The following TESK2 variants were observed in gnomAD, a reference collection of about 807,000 sequenced individuals.
TESK2 encodes testis associated actin remodelling kinase 2.
In TESK2, 39 loss-of-function variants were observed where a neutral mutation model predicts 57.1. The observed-to-expected ratio is 0.68, with a 90% confidence interval of 0.53 to 0.89. TESK2 has a LOEUF of 0.89. TESK2 is among the 40% of genes least tolerant of loss of function. The pLI is 0.00. For synonymous variants in TESK2, 249 were observed against 267.9 expected (o/e 0.93, Z 0.69); for missense variants, 646 against 732.1 (o/e 0.88, Z 1.36).
intron 2 of TESK2, among the ~76,000 whole-genome samples, chr1:45,442,039 T>G (rs1395120573): frequency 6.6e-6 from 1 of 152,128 alleles, no homozygotes; most frequent in Non-Finnish European, 1.5e-5. Flanking sequence ...CAGGTTCAAA[T>G]GATTCTCCTG....
chr1:45,369,653 G>A (rs189715097), intron 4 of TESK2, among the ~76,000 whole-genome samples: 1 of 152,204 alleles, frequency 6.6e-6, no homozygotes, highest in East Asian at 1.9e-4. Flanking sequence ...AAAAGAATCA[G>A]GAAAGGTTTT....
intron 1 of TESK2, among the ~76,000 whole-genome samples, chr1:45,482,874 G>C (rs1653287511): frequency 6.6e-6 from 1 of 151,710 alleles, no homozygotes; most frequent in Non-Finnish European, 1.5e-5. Flanking sequence ...CAGCTACTCG[G>C]GAGGCTGAGG....
At chr1:45,475,209 C>CTTTTTTTTTTTTTTTTTTTT (rs375872140) in intron 1 of TESK2, among the ~76,000 whole-genome samples, 3 of 113,162 alleles carry the variant, frequency 2.7e-5, no homozygotes, top group Non-Finnish European at 3.6e-5. Flanking sequence ...TTAGCCTGGC[C>CTTTTTTTTTTTTTTTTTTTT]TTTTTTTTTT....
intron 3 of TESK2, among the ~76,000 whole-genome samples, chr1:45,408,775 G>C (rs1175681543): frequency 6.6e-6 from 1 of 152,124 alleles, no homozygotes; most frequent in Non-Finnish European, 1.5e-5. Context: ...AAGGTGACTA[G>C]AAGTCTTATG....
At chr1:45,352,792 CCTT>C (rs1647268841) in intron 5 of TESK2, among the ~76,000 whole-genome samples, 3 of 152,038 alleles carry the variant, frequency 2.0e-5, no homozygotes, top group South Asian at 2.1e-4. Flanking sequence ...GTCACAAACT[CCTT>C]CTATCTTAGA....
chr1:45,354,711 C>A (rs1224213118), intron 5 of TESK2, among the ~76,000 whole-genome samples: 1 of 141,226 alleles, frequency 7.1e-6, no homozygotes, highest in African/African-American at 2.7e-5. Flanking sequence ...ATTGCTTGAG[C>A]CGATGGAGTG....
At chr1:45,360,336 T>C (rs1355984819) in intron 4 of TESK2, among the ~76,000 whole-genome samples, 1 of 152,136 alleles carries the variant, frequency 6.6e-6, no homozygotes, top group Non-Finnish European at 1.5e-5. Context: ...TTCACTTCTT[T>C]AGCATGATGA....
intron 5 of TESK2, among the ~76,000 whole-genome samples, chr1:45,352,278 AAGTAC>A (rs1647251834): frequency 6.6e-6 from 1 of 152,144 alleles, no homozygotes; most frequent in Non-Finnish European, 1.5e-5. Flanking sequence ...GGACCCAAGA[AAGTAC>A]AGCCCAGAAA....
intron 2 of TESK2, among the ~76,000 whole-genome samples, chr1:45,446,047 T>C (rs1286208424): frequency 1.3e-5 from 2 of 152,018 alleles, no homozygotes; most frequent in Non-Finnish European, 2.9e-5. Context: ...CCTAGAAGAA[T>C]AGGAAAAGTT....
At chr1:45,433,744 A>G (rs1691216) in intron 2 of TESK2, among the ~76,000 whole-genome samples, 32,411 of 152,176 alleles carry the variant, frequency 0.21, 3,700 homozygotes, top group Non-Finnish European at 0.26. Flanking sequence ...TGCAATAAAC[A>G]TGGAGATGCA....
At chr1:45,462,334 G>A (rs1347850145) in intron 1 of TESK2, among the ~76,000 whole-genome samples, 2 of 151,540 alleles carry the variant, frequency 1.3e-5, no homozygotes, top group Admixed American at 1.3e-4. Flanking sequence ...GTGCAGTGGC[G>A]TGATCTCCGC....
intron 4 of TESK2, among the ~76,000 whole-genome samples, chr1:45,384,296 C>T (rs1648771586): frequency 6.6e-6 from 1 of 151,866 alleles, no homozygotes; most frequent in Non-Finnish European, 1.5e-5. Context: ...ATTCATTCAT[C>T]TATCTATCTA....
At chr1:45,400,207 T>A (rs976359888) in intron 3 of TESK2, among the ~76,000 whole-genome samples, 2 of 151,860 alleles carry the variant, frequency 1.3e-5, no homozygotes, top group African/African-American at 4.8e-5. Flanking sequence ...AATATCAGAG[T>A]GATGCAATGT....
At chr1:45,371,384 A>G (rs527987575) in intron 4 of TESK2, among the ~76,000 whole-genome samples, 2 of 152,242 alleles carry the variant, frequency 1.3e-5, no homozygotes, top group African/African-American at 2.4e-5. Flanking sequence ...ATGGATCAAC[A>G]AAGTATGGTA....
chr1:45,463,897 G>A lies in TESK2; in HGVS notation c.-86-6026C>T, dbSNP rs977752342. 3.3e-5 allele frequency among the ~76,000 whole-genome samples: 5 copies of A among 152,002 alleles called. No homozygotes were observed. In the East Asian group the frequency reaches 5.8e-4, roughly 18 times the overall value. ...AGCCACCATGCCCAGCCTATGTGTC[G>A]GTTTTTATGCCAGTATTCTCGTGTT... is the stretch of plus-strand genomic sequence containing the variant. On this transcript the variant is annotated intron_variant, in intron 1 of 10. Transcript: ENST00000372086.
intron 2 of TESK2, among the ~76,000 whole-genome samples, chr1:45,453,180 CA>C (rs540991542): frequency 6.7e-6 from 1 of 149,394 alleles, no homozygotes; most frequent in African/African-American, 2.5e-5. Context: ...CACAACTCTA[CA>C]AAAAAAAATA....
At chr1:45,475,088 G>GAA (rs1652931511) in intron 1 of TESK2, among the ~76,000 whole-genome samples, 43 of 133,848 alleles carry the variant, frequency 3.2e-4, no homozygotes, top group African/African-American at 9.9e-4. Flanking sequence ...AAAAAGAAAA[G>GAA]AAAAGAAAGG....
At chr1:45,371,907 G>A (rs1349681085) in intron 4 of TESK2, among the ~76,000 whole-genome samples, 1 of 151,720 alleles carries the variant, frequency 6.6e-6, no homozygotes, top group Non-Finnish European at 1.5e-5. Flanking sequence ...CAGGAGCTGG[G>A]AAGAGGGAGA....
intron 5 of TESK2, among the ~76,000 whole-genome samples, chr1:45,348,976 C>T (rs1177435656): frequency 6.6e-6 from 1 of 152,058 alleles, no homozygotes; most frequent in East Asian, 1.9e-4. Context: ...CCAGCTCTCC[C>T]CAAATAGCTG....
Sources: gnomAD v4.1 joint callset for allele counts (sites outside exome capture counted in the v4.1 genomes callset) on GRCh38, gnomAD v4.1.1 for gene constraint, MANE v1.5 for transcripts, NCBI Gene and HGNC (gene_info 2026-07-23, HGNC 2026-07-21) for gene names.